The following MYLK variants were observed in gnomAD, a reference collection of about 807,000 sequenced individuals.
The protein encoded by MYLK is myosin light chain kinase, smooth muscle.
MYLK carries 106 observed loss-of-function variants against 203.4 expected under a neutral mutation model. The observed-to-expected ratio is 0.52, with a 90% confidence interval of 0.45 to 0.61. MYLK has a LOEUF of 0.61. MYLK is among the 20% of genes least tolerant of loss of function. The pLI, the probability that MYLK is intolerant of heterozygous loss-of-function variation, is 0.00. For missense variants in MYLK, 2,072 were observed against 2,442.3 expected (o/e 0.85, Z 3.20); for synonymous variants, 867 against 959.5 (o/e 0.90, Z 1.78).
intron 2 of MYLK, among the ~76,000 whole-genome samples, chr3:123,842,938 G>A (rs1365741817): frequency 6.6e-6 from 1 of 152,236 alleles, no homozygotes; most frequent in African/African-American, 2.4e-5. Flanking sequence ...AGCTCCCAAT[G>A]TGCTGCTGGG....
chr3:123,684,498 A>G (rs890493194), intron 19 of MYLK, among the ~76,000 whole-genome samples: 8 of 152,044 alleles, frequency 5.3e-5, no homozygotes, highest in African/African-American at 1.7e-4. Context: ...CATTTCTAAC[A>G]GTCACCAATG....
intron 23 of MYLK, among the ~76,000 whole-genome samples, chr3:123,663,236 T>A (rs820323): frequency 6.6e-6 from 1 of 151,748 alleles, no homozygotes; most frequent in Non-Finnish European, 1.5e-5. Flanking sequence ...GAAGACAGTG[T>A]TAAGGGAGGA....
intron 24 of MYLK, among the ~76,000 whole-genome samples, chr3:123,649,449 C>T (rs938064888): frequency 5.3e-5 from 8 of 152,358 alleles, no homozygotes; most frequent in African/African-American, 1.9e-4. Flanking sequence ...GTCCCATCCT[C>T]TCTAGCCTCA....
At chr3:123,615,833 G>GAGAT (rs1221576012) in intron 33 of MYLK, among the ~76,000 whole-genome samples, 2 of 151,280 alleles carry the variant, frequency 1.3e-5, no homozygotes, top group African/African-American at 2.4e-5. Flanking sequence ...ATTTTTTGTA[G>GAGAT]AGATAGGGTT....
At chr3:123,787,838 C>G (rs1387975208) in intron 4 of MYLK, among the ~76,000 whole-genome samples, 2 of 152,112 alleles carry the variant, frequency 1.3e-5, no homozygotes, top group East Asian at 1.9e-4. Context: ...AACCCCAAAC[C>G]AATAGGGAGA....
intron 24 of MYLK, among the ~76,000 whole-genome samples, chr3:123,651,138 TAA>T (rs1401995581): frequency 2.0e-5 from 3 of 152,144 alleles, no homozygotes; most frequent in African/African-American, 4.8e-5. Context: ...GAAAGAAGTC[TAA>T]AATGGACATG....
intron 2 of MYLK, among the ~76,000 whole-genome samples, chr3:123,872,531 T>C (rs1036511074): frequency 6.6e-5 from 10 of 152,162 alleles, no homozygotes; most frequent in Admixed American, 6.5e-4. Flanking sequence ...GACGATAAGT[T>C]AGGGATTCCC....
rs1460628120 is a variant in MYLK, at chr3:123,803,066, G to A, written c.-3-9222C>T. ...ACAACCCTTAGCCCACTGAAGCCCA[G>A]GAAATCGACTCAGGGAACAAGAACC... On this transcript the variant is annotated intron_variant, in intron 3 of 33. Transcript: ENST00000360304. Among the ~76,000 whole-genome samples the A allele has an allele frequency of 2.6e-5, 4 of 152,260 alleles. No individual in the cohort carries two copies. In the East Asian group the frequency reaches 5.8e-4, roughly 22 times the overall value.
intron 23 of MYLK, among the ~76,000 whole-genome samples, chr3:123,663,188 ACT>A (rs2059620304): frequency 6.6e-6 from 1 of 151,642 alleles, no homozygotes; most frequent in African/African-American, 2.4e-5. Context: ...TGGTTAGAAA[ACT>A]CTCTTGATGC....
chr3:123,723,514 C>T (rs1416448787), intron 12 of MYLK, among the ~76,000 whole-genome samples: 1 of 152,238 alleles, frequency 6.6e-6, no homozygotes, highest in Non-Finnish European at 1.5e-5. Context: ...TCCCTGACTG[C>T]CGCCAATGTG....
chr3:123,645,740 G>T (rs1213864659), intron 27 of MYLK, among the ~76,000 whole-genome samples: 1 of 152,190 alleles, frequency 6.6e-6, no homozygotes, highest in Non-Finnish European at 1.5e-5. Flanking sequence ...TCAAAAGAAG[G>T]CTGCTTAAAT....
At chr3:123,720,389 C>G (rs947776161) in intron 13 of MYLK, among the ~76,000 whole-genome samples, 16 of 152,068 alleles carry the variant, frequency 1.1e-4, no homozygotes, top group African/African-American at 3.9e-4. Context: ...TGGATTAGTC[C>G]TTGGCTGTGG....
chr3:123,647,442 G>C lies in MYLK; in HGVS notation c.4416-15C>G. On this transcript the variant is annotated splice_polypyrimidine_tract_variant and intron_variant, in intron 26 of 33. Transcript: ENST00000360304. ...CAAATTTCCCACTGCAAATGAAAGG[G>C]GGAGGAGAGAAAAGCCACATTTAGC... 3 of 1,613,512 alleles carry C rather than the reference G, an allele frequency of 1.9e-6. No homozygotes were observed. The highest frequency in any genetic ancestry group is 2.5e-6 in the Non-Finnish European group (3 of 1,179,494).
chr3:123,620,164 G>A (rs1487764426), intron 32 of MYLK, 43 bp downstream of exon 32: 2 of 1,552,768 alleles, frequency 1.3e-6, no homozygotes, highest in African/African-American at 1.4e-5. Context: ...TTGTTCCCCA[G>A]CCCTTTCTTT....
intron 4 of MYLK, among the ~76,000 whole-genome samples, chr3:123,774,650 G>A (rs2064001979): frequency 6.6e-6 from 1 of 152,112 alleles, no homozygotes; most frequent in South Asian, 2.1e-4. Flanking sequence ...TAGTCTTTTG[G>A]CAAGATATTT....
chr3:123,778,309 A>G (rs564651718), intron 4 of MYLK, among the ~76,000 whole-genome samples: 12 of 152,166 alleles, frequency 7.9e-5, no homozygotes, highest in African/African-American at 2.9e-4. Flanking sequence ...ATGGGGAGAT[A>G]ATGGTGATAA....
At position 123,867,440 on chromosome 3, in the gene MYLK, A is replaced by C. The variant is rs945030787; in HGVS notation, c.-127+9119T>G. Among the ~76,000 whole-genome samples, 12 of 151,356 alleles carry C rather than the reference A, an allele frequency of 7.9e-5. 1 individual carries two copies. The South Asian group carries it at 1.9e-3, about 24-fold the overall frequency. On this transcript the variant is annotated intron_variant, in intron 2 of 33. Transcript: ENST00000360304. ...AGTATCCAAAAAAAAAAAAAAAAAA[A>C]CCAGGAGGAAATTTGGATGCATTGG...
chr3:123,758,478 G>A (rs1448525636), intron 4 of MYLK, among the ~76,000 whole-genome samples: 1 of 152,212 alleles, frequency 6.6e-6, no homozygotes, highest in Non-Finnish European at 1.5e-5. Context: ...CAAATGCCAT[G>A]TGGGTCTCCA....
At chr3:123,635,175 TGACAGGGACTGCCC>T (rs1177233970) in intron 29 of MYLK, among the ~76,000 whole-genome samples, 2 of 152,312 alleles carry the variant, frequency 1.3e-5, no homozygotes, top group African/African-American at 4.8e-5. Flanking sequence ...GAAGTCGCCC[TGACAGGGACTGCCC>T]GACAGATGAC....
Sources: gnomAD v4.1 joint callset for allele counts (sites outside exome capture counted in the v4.1 genomes callset) on GRCh38, gnomAD v4.1.1 for gene constraint, MANE v1.5 for transcripts, NCBI Gene and HGNC (gene_info 2026-07-23, HGNC 2026-07-21) for gene names.